The following CCM2 variants were observed in gnomAD, a reference collection of about 807,000 sequenced individuals.
CCM2 encodes cerebral cavernous malformations 2 protein.
Under a neutral mutation model 44.9 loss-of-function variants are expected in CCM2, and 25 were observed. That is an observed-to-expected ratio of 0.56 (90% CI 0.41 to 0.78). CCM2 has a LOEUF of 0.78. Ranked by LOEUF, CCM2 falls within the 30% of genes least tolerant of loss-of-function variation. The probability of loss-of-function intolerance (pLI) is 0.00; values close to 1 mark genes in which losing one functional copy is unlikely to be tolerated. For synonymous variants in CCM2, 219 were observed against 241.1 expected, an observed-to-expected ratio of 0.91 and a Z score of 0.85; for missense variants, 481 against 580.6, an observed-to-expected ratio of 0.83 and a Z score of 1.76.
chr7:45,036,700 G>C (rs1797233808), intron 1 of CCM2, among the ~76,000 whole-genome samples: 1 of 152,226 alleles, frequency 6.6e-6, no homozygotes, highest in South Asian at 2.1e-4. Flanking sequence ...TAGGACCACA[G>C]GTTCTGCTAC....
chr7:45,025,901 A>G (rs776036419), intron 1 of CCM2, among the ~76,000 whole-genome samples: 1 of 152,076 alleles, frequency 6.6e-6, no homozygotes, highest in Non-Finnish European at 1.5e-5. Flanking sequence ...GTCTCTAAGT[A>G]TACTAGCTAG....
At chr7:45,041,089 A>G (rs1227092159) in intron 2 of CCM2, among the ~76,000 whole-genome samples, 1 of 152,238 alleles carries the variant, frequency 6.6e-6, no homozygotes, top group Non-Finnish European at 1.5e-5. Flanking sequence ...AATTCCCAGG[A>G]TGACAGGAAA....
At chr7:45,073,614 G>C (rs1171032032) in intron 8 of CCM2, 43 bp downstream of exon 8, 1 of 1,434,100 alleles carries the variant, frequency 7.0e-7, no homozygotes, top group Non-Finnish European at 9.7e-7. Context: ...TGAGGGAGGG[G>C]GTGCCCCAGG....
chr7:45,055,116 G>T (rs1471763721), intron 2 of CCM2, among the ~76,000 whole-genome samples: 1 of 152,148 alleles, frequency 6.6e-6, no homozygotes, highest in East Asian at 1.9e-4. Context: ...CCAGATTTTG[G>T]ATAACACCAA....
At chr7:45,075,308 C>T (rs538381319) in intron 9 of CCM2, among the ~76,000 whole-genome samples, 3 of 152,364 alleles carry the variant, frequency 2.0e-5, no homozygotes, top group Admixed American at 1.3e-4. Context: ...TGAGTTGGGA[C>T]AGTCACCTAG....
chr7:45,049,416 T>G (rs1797900762), intron 2 of CCM2, among the ~76,000 whole-genome samples: 1 of 152,226 alleles, frequency 6.6e-6, no homozygotes, highest in Non-Finnish European at 1.5e-5. Context: ...ATATATGAGC[T>G]TACACATGCA....
At chr7:45,046,466 G>C (rs1250412861) in intron 2 of CCM2, among the ~76,000 whole-genome samples, 1 of 152,178 alleles carries the variant, frequency 6.6e-6, no homozygotes, top group Admixed American at 6.5e-5. Flanking sequence ...GCTGATTCTT[G>C]ACAAAGGTTC....
intron 2 of CCM2, among the ~76,000 whole-genome samples, chr7:45,059,103 A>T (rs1031328113): frequency 2.0e-5 from 3 of 151,170 alleles, no homozygotes; most frequent in Non-Finnish European, 3.0e-5. Context: ...CTAGTCTTGA[A>T]CTCCTGACCT....
intron 2 of CCM2, among the ~76,000 whole-genome samples, chr7:45,040,590 T>TC (rs966995635): frequency 5.9e-5 from 9 of 151,956 alleles, no homozygotes; most frequent in Admixed American, 2.0e-4. Flanking sequence ...TGGACATGAC[T>TC]CCCCCCATTG....
At chr7:45,022,831 C>T (rs982250934) in intron 1 of CCM2, among the ~76,000 whole-genome samples, 2 of 152,104 alleles carry the variant, frequency 1.3e-5, no homozygotes, top group Admixed American at 1.3e-4. Context: ...ACCTCTGCCT[C>T]CCGACCTCAA....
chr7:45,065,917 A>T (rs1247615004), intron 4 of CCM2, among the ~76,000 whole-genome samples: 1 of 152,124 alleles, frequency 6.6e-6, no homozygotes, highest in Non-Finnish European at 1.5e-5. Flanking sequence ...GGGAGGCCTT[A>T]GGCCTGGGAC....
intron 2 of CCM2, among the ~76,000 whole-genome samples, chr7:45,039,003 C>T (rs77386662): frequency 3.9e-5 from 6 of 152,170 alleles, no homozygotes; most frequent in African/African-American, 1.4e-4. Flanking sequence ...ATGAGGTGGT[C>T]CGTAAACATG....
intron 1 of CCM2, among the ~76,000 whole-genome samples, chr7:45,026,491 A>C (rs1796694058): frequency 1.3e-5 from 2 of 152,160 alleles, no homozygotes; most frequent in Non-Finnish European, 2.9e-5. Context: ...TAGCCAAAAC[A>C]CTGTTGAAAA....
chr7:45,007,837 C>T (rs565603302), intron 1 of CCM2, among the ~76,000 whole-genome samples: 1 of 151,942 alleles, frequency 6.6e-6, no homozygotes. Flanking sequence ...GGGAGATAAC[C>T]ATTTCACATG....
At chr7:45,066,469 G>A (rs768596978) in intron 4 of CCM2, among the ~76,000 whole-genome samples, 3 of 152,156 alleles carry the variant, frequency 2.0e-5, no homozygotes, top group African/African-American at 4.8e-5. Context: ...TTAGGATTAG[G>A]CATCCAGAGT....
chr7:45,057,298 G>A (rs1200773286), intron 2 of CCM2, among the ~76,000 whole-genome samples: 1 of 152,126 alleles, frequency 6.6e-6, no homozygotes, highest in Admixed American at 6.5e-5. Context: ...AAGTAGCTGG[G>A]ACTACAGGTG....
At chr7:45,060,056 C>T (rs1050418827) in intron 2 of CCM2, among the ~76,000 whole-genome samples, 1 of 152,184 alleles carries the variant, frequency 6.6e-6, no homozygotes, top group Admixed American at 6.5e-5. Flanking sequence ...TTCTCTGATG[C>T]TTTTCCCCTT....
intron 2 of CCM2, among the ~76,000 whole-genome samples, chr7:45,059,663 G>T (rs886215102): frequency 6.6e-6 from 1 of 152,134 alleles, no homozygotes; most frequent in African/African-American, 2.4e-5. Context: ...GCTTCAGCCT[G>T]GGAGGTTGAG....
intron 1 of CCM2, among the ~76,000 whole-genome samples, chr7:45,028,709 C>T (rs574557358): frequency 9.5e-4 from 144 of 151,852 alleles, no homozygotes; most frequent in South Asian, 1.7e-3. Flanking sequence ...GGGTGCACAC[C>T]GGCTGTGTCA....
Sources: allele counts gnomAD v4.1 joint callset (sites outside exome capture counted in the v4.1 genomes callset), GRCh38; gene constraint gnomAD v4.1.1; transcripts MANE v1.5; gene names NCBI Gene and HGNC (gene_info 2026-07-23, HGNC 2026-07-21).